SMS: variants seen among roughly 807,000 people sequenced by gnomAD.
SMS encodes spermidine aminopropyltransferase.
SMS carries 3 observed loss-of-function variants against 33.0 expected under a neutral mutation model. The observed-to-expected ratio is 0.09, with a 90% CI of 0.04 to 0.23. The LOEUF (loss-of-function observed/expected upper bound fraction) is 0.23. SMS is among the 10% of genes least tolerant of loss of function. The probability of loss-of-function intolerance (pLI) is 1.00; values close to 1 mark genes in which losing one functional copy is unlikely to be tolerated. For synonymous variants in SMS, 103 were observed against 112.2 expected (o/e 0.92, Z 0.52); for missense variants, 117 against 288.6 (o/e 0.41, Z 4.31).
intron 1 of SMS, among the ~76,000 whole-genome samples, chrX:21,951,608 A>AT (rs1415688072): frequency 3.6e-5 from 4 of 110,847 alleles, no homozygotes; most frequent in Admixed American, 9.6e-5. Flanking sequence ...TCTTGAGTTA[A>AT]TTTTTTGTAT....
At chrX:21,982,546 G>T (rs1029203617) in intron 7 of SMS, among the ~76,000 whole-genome samples, 8 of 111,986 alleles carry the variant, frequency 7.1e-5, no homozygotes, top group African/African-American at 1.9e-4. Flanking sequence ...CTTCTAGCCG[G>T]TGTTTGAGCA....
rs752713559 is a variant in SMS, at chrX:21,972,560, G to T, written c.318G>T (p.Gly106=). The T allele has an allele frequency of 2.5e-6, 3 of 1,178,967 alleles. No homozygotes were observed. In the South Asian group the frequency reaches 5.3e-5, roughly 21 times the overall value. ...AAGAATTGAGTCAGGACAGTACTGG[G>T]CGGGTGAAACGGTAAGTCCACTCTT... ...RMKELSQDST[G]RVKRLPPIVR... is the part of the protein sequence containing the mutation. The change falls in exon 4 of 11, where the codon GGG becomes GGT. Residue 106 remains glycine, a synonymous_variant. Coordinates refer to ENST00000404933, the MANE Select transcript of SMS (RefSeq NM_004595.5).
chrX:21,959,660 T>C (rs894414387), intron 1 of SMS, among the ~76,000 whole-genome samples: 5 of 112,938 alleles, frequency 4.4e-5, no homozygotes, highest in African/African-American at 1.3e-4. Context: ...AGCTACCTGA[T>C]TTCAAATTGG....
intron 1 of SMS, among the ~76,000 whole-genome samples, chrX:21,960,478 C>A (rs1441123162): frequency 1.8e-5 from 2 of 110,045 alleles, no homozygotes; most frequent in Non-Finnish European, 3.8e-5. Flanking sequence ...CATTTCAGAT[C>A]AGAAGTTCTA....
chrX:21,948,095 G>A (rs755449587), intron 1 of SMS, among the ~76,000 whole-genome samples: 2 of 111,388 alleles, frequency 1.8e-5, no homozygotes, highest in African/African-American at 6.5e-5. Flanking sequence ...TCATGTTGCC[G>A]GGAATTAGTT....
chrX:21,947,027 G>T (rs1164430816), intron 1 of SMS, among the ~76,000 whole-genome samples: 1 of 111,526 alleles, frequency 9.0e-6, no homozygotes, highest in African/African-American at 3.3e-5. Flanking sequence ...CTGAACCATC[G>T]CTCTTTTTAA....
intron 1 of SMS, among the ~76,000 whole-genome samples, chrX:21,952,847 A>G (rs774226543): frequency 3.7e-5 from 4 of 108,756 alleles, no homozygotes; most frequent in Non-Finnish European, 5.7e-5. Flanking sequence ...GGCTCAGGCA[A>G]TTTTCCTGCC....
chrX:21,946,669 A>G (rs1330048525), intron 1 of SMS, among the ~76,000 whole-genome samples: 1 of 111,180 alleles, frequency 9.0e-6, no homozygotes, highest in Non-Finnish European at 1.9e-5. Flanking sequence ...TTCTGGAGAC[A>G]GTTTTGGTTG....
intron 9 of SMS, 27 bp from the exon 10 acceptor site, chrX:21,992,570 C>G: frequency 1.0e-6 from 1 of 985,265 alleles, no homozygotes; most frequent in African/African-American, 1.9e-5. Context: ...CTCAAGAATC[C>G]CATTTGCTTA....
At chrX:21,977,904 C>A in intron 5 of SMS, 56 bp from the exon 6 acceptor site, 1 of 1,108,808 alleles carries the variant, frequency 9.0e-7, no homozygotes, top group Non-Finnish European at 1.2e-6. Context: ...GTGGTGGGGC[C>A]AGGTGGTTTG....
intron 8 of SMS, 96 bp from the exon 9 acceptor site, chrX:21,985,048 T>C (rs988333027): frequency 3.5e-6 from 2 of 565,015 alleles, no homozygotes; most frequent in African/African-American, 4.5e-5. Flanking sequence ...CTTTTTCTTT[T>C]TCCTCTTTTG....
Position 21,969,543 on chromosome X carries a change from G to A in SMS, c.170+2227G>A, listed in dbSNP as rs760988380. ...ATCTTTTGGGGACTACAGCAAATTG[G>A]AACTCATCATCCACCGCCTCCGGTG... On this transcript the variant is annotated intron_variant, in intron 2 of 10. Coordinates refer to ENST00000404933, the MANE Select transcript of SMS (RefSeq NM_004595.5). Among the ~76,000 whole-genome samples, 19 of 111,474 alleles carry A rather than the reference G, an allele frequency of 1.7e-4. No homozygotes were observed. The East Asian group carries it at 2.6e-3, about 15-fold the overall frequency.
intron 2 of SMS, among the ~76,000 whole-genome samples, chrX:21,967,797 G>T: frequency 8.9e-6 from 1 of 112,653 alleles, no homozygotes; most frequent in East Asian, 2.8e-4. Flanking sequence ...CCCGCTCTTG[G>T]CGGGGACTTT....
rs747717989 is a variant in SMS at position 21,978,978 on chromosome X, C to G, written c.750+12C>G. 3 of 1,110,206 alleles carry G rather than the reference C, an allele frequency of 2.7e-6. No individual in the cohort carries two copies. Among genetic ancestry groups the G allele is most frequent in the Non-Finnish European group, 3.7e-6 (3 of 803,252 alleles). 91.5% of individuals were successfully genotyped at this position (1,110,206 alleles called of 1,213,427 possible). A position where few individuals can be genotyped will look rare whatever the true frequency, so the allele number is the denominator to read the frequency against. Reference sequence around the variant, plus strand: ...GAGACTGCTATCAGGTAATTGTTTTCTGGATAATGTAGTTTTAAGTGAACT... The same window carrying G: ...GAGACTGCTATCAGGTAATTGTTTTGTGGATAATGTAGTTTTAAGTGAACT... On this transcript the variant is annotated intron_variant, in intron 7 of 10. Coordinates refer to ENST00000404933, the MANE Select transcript of SMS (RefSeq NM_004595.5).
chrX:21,992,650 G>A lies in SMS; in HGVS notation c.999G>A (p.Gly333=), dbSNP rs764756407. 2 of 1,206,308 alleles carry A rather than the reference G, an allele frequency of 1.7e-6. No individual in the cohort carries two copies. Among genetic ancestry groups the A allele is most frequent in the East Asian group, 3.0e-5 (1 of 33,826 alleles). Residue 333 remains glycine (G), a synonymous_variant, in exon 10 of 11, where the codon GGG becomes GGA. Transcript: ENST00000404933. ...EALSLYEEQL[G]RLYCPVEFSK... Reference sequence around the variant, plus strand: ...TGTCGCTCTATGAAGAACAGCTGGGGCGCCTGTATTGTCCTGTGGAATTTT... The same window carrying A: ...TGTCGCTCTATGAAGAACAGCTGGGACGCCTGTATTGTCCTGTGGAATTTT...
intron 1 of SMS, among the ~76,000 whole-genome samples, chrX:21,943,641 G>A (rs953774962): frequency 9.1e-6 from 1 of 109,406 alleles, no homozygotes; most frequent in Non-Finnish European, 1.9e-5. Flanking sequence ...GTGTGGGGGG[G>A]TGGGGAATGT....
At chrX:21,944,335 G>C (rs955840274) in intron 1 of SMS, among the ~76,000 whole-genome samples, 2 of 110,288 alleles carry the variant, frequency 1.8e-5, no homozygotes, top group African/African-American at 3.3e-5. Flanking sequence ...AGGCATATCT[G>C]AGTTGGTGGA....
chrX:21,992,724 C>T lies in SMS; in HGVS notation c.1061+12C>T. On this transcript the variant is annotated intron_variant, in intron 10 of 10. Transcript: ENST00000404933. Reference sequence around the variant, plus strand: ...TCATACTTGGAATTGTATCCTTTGACCGTGACATTCTGTTGCCAGATCAAA... The same window carrying T: ...TCATACTTGGAATTGTATCCTTTGATCGTGACATTCTGTTGCCAGATCAAA... 9.8e-7 allele frequency: 1 copy of T among 1,016,585 alleles called. No homozygotes were observed. The highest frequency in any genetic ancestry group is 1.9e-5 in the South Asian group (1 of 51,626). 83.8% of individuals were successfully genotyped at this position (1,016,585 alleles called of 1,213,427 possible). A position where few individuals can be genotyped will look rare whatever the true frequency, so the allele number is the denominator to read the frequency against.
At chrX:21,983,461 T>G (rs1925118824) in intron 7 of SMS, among the ~76,000 whole-genome samples, 1 of 111,265 alleles carries the variant, frequency 9.0e-6, no homozygotes. Flanking sequence ...GTTCAGGATG[T>G]TGCTTAGATC....
Sources: allele counts gnomAD v4.1 joint callset (sites outside exome capture counted in the v4.1 genomes callset), GRCh38; gene constraint gnomAD v4.1.1; transcripts MANE v1.5; gene names NCBI Gene and HGNC (gene_info 2026-07-23, HGNC 2026-07-21).